VPS13C: variants seen among roughly 807,000 people sequenced by gnomAD.
The protein encoded by VPS13C is vacuolar protein sorting 13 homolog C.
Under a neutral mutation model 456.8 loss-of-function variants are expected in VPS13C, and 358 were observed. The ratio of observed to expected loss-of-function variants is 0.78; its 90% CI spans 0.72 to 0.86. The LOEUF (loss-of-function observed/expected upper bound fraction) is 0.86, where lower values mean the gene tolerates loss of function less well. Among genes scored for constraint, VPS13C ranks in the 40% least tolerant of loss-of-function variants. VPS13C has a pLI of 0.00. For missense variants in VPS13C, 4,818 were observed against 4,385.4 expected, an observed-to-expected ratio of 1.10 and a Z score of -2.79; for synonymous variants, 1,578 against 1,486.7, an observed-to-expected ratio of 1.06 and a Z score of -1.41.
chr15:61,893,053 G>A (rs1276038457), intron 66 of VPS13C, among the ~76,000 whole-genome samples: 2 of 152,082 alleles, frequency 1.3e-5, no homozygotes, highest in African/African-American at 4.8e-5. Context: ...AAAGAGCAAG[G>A]GGTAGAAAGT....
chr15:62,002,637 G>A (rs1482465325), intron 15 of VPS13C, among the ~76,000 whole-genome samples: 1 of 152,072 alleles, frequency 6.6e-6, no homozygotes, highest in East Asian at 1.9e-4. Flanking sequence ...TTCTTCTAGG[G>A]TTTTTATGGT....
At chr15:61,906,928 CA>C (rs2043168254) in intron 66 of VPS13C, 3 of 230,700 alleles carry the variant, frequency 1.3e-5, no homozygotes, top group Non-Finnish European at 2.6e-5. Context: ...AACTCATAGC[CA>C]AAAGTGGCAT....
At position 62,055,901 on chromosome 15, in the gene VPS13C, G is replaced by A. The variant is rs531030506; in HGVS notation, c.100+4374C>T. Reference sequence around the variant, plus strand: ...ACTAACATTTTGAGCTGGACAATTCGCTGCAGGAAGTTGTCCTCTGCATTG... The same window carrying A: ...ACTAACATTTTGAGCTGGACAATTCACTGCAGGAAGTTGTCCTCTGCATTG... On this transcript the variant is annotated intron_variant, in intron 1 of 84. Transcript: ENST00000644861. 5.3e-5 allele frequency among the ~76,000 whole-genome samples: 8 copies of A among 152,190 alleles called. No homozygotes were observed. The South Asian group carries it at 6.2e-4, about 12-fold the overall frequency.
chr15:61,939,551 C>T (rs1474382795), intron 47 of VPS13C, among the ~76,000 whole-genome samples: 2 of 152,176 alleles, frequency 1.3e-5, no homozygotes, highest in Non-Finnish European at 2.9e-5. Context: ...TAGTCTCTCT[C>T]ACCCCTATCC....
chr15:61,967,893 A>AGCTT (rs2140338787), intron 28 of VPS13C, among the ~76,000 whole-genome samples: 1 of 152,132 alleles, frequency 6.6e-6, no homozygotes, highest in Admixed American at 6.6e-5. Context: ...AGATGTACCA[A>AGCTT]GGAACTGCCT....
chr15:61,915,170 G>A (rs774601043), intron 61 of VPS13C, among the ~76,000 whole-genome samples: 8 of 152,056 alleles, frequency 5.3e-5, no homozygotes, highest in Non-Finnish European at 8.8e-5. Flanking sequence ...GTGTGGTGAG[G>A]GATACCAAAA....
intron 6 of VPS13C, among the ~76,000 whole-genome samples, chr15:62,027,062 T>TA (rs35555986): frequency 0.059 from 8,958 of 151,404 alleles, 335 homozygotes; most frequent in Non-Finnish European, 0.084. Flanking sequence ...TGCTTTAGAA[T>TA]AAAAAAAAGT....
At chr15:62,053,756 T>G (rs2048701326) in intron 1 of VPS13C, among the ~76,000 whole-genome samples, 1 of 152,240 alleles carries the variant, frequency 6.6e-6, no homozygotes, top group Non-Finnish European at 1.5e-5. Flanking sequence ...CAGTCCAGTG[T>G]TCATTCTCCT....
chr15:62,040,340 TAA>T (rs2048198681), intron 3 of VPS13C, among the ~76,000 whole-genome samples: 1 of 152,156 alleles, frequency 6.6e-6, no homozygotes, highest in South Asian at 2.1e-4. Flanking sequence ...TACATATAAC[TAA>T]GAGTATTAAT....
At chr15:61,931,006 G>A in intron 50 of VPS13C, 84 bp downstream of exon 50, 3 of 1,492,326 alleles carry the variant, frequency 2.0e-6, no homozygotes, top group Non-Finnish European at 2.8e-6. Flanking sequence ...TTTTTTGGAT[G>A]ATCCCTAGCC....
chr15:61,912,151 T>C (rs1566993769), intron 62 of VPS13C, 147 bp from the exon 63 acceptor site: 2 of 772,918 alleles, frequency 2.6e-6, no homozygotes, highest in Non-Finnish European at 3.5e-6. Context: ...CTGCAAAAGA[T>C]TATCTTCTGA....
At chr15:61,857,100 A>G (rs1406808715) in intron 82 of VPS13C, among the ~76,000 whole-genome samples, 2 of 152,190 alleles carry the variant, frequency 1.3e-5, no homozygotes, top group African/African-American at 4.8e-5. Context: ...ACTTAAAATT[A>G]AGCTTCTATT....
intron 1 of VPS13C, among the ~76,000 whole-genome samples, chr15:62,048,171 T>C (rs1050865690): frequency 6.6e-6 from 1 of 151,570 alleles, no homozygotes; most frequent in African/African-American, 2.4e-5. Flanking sequence ...TTGTTACATA[T>C]GTATACATGT....
At chr15:61,918,586 T>C (rs2043547663) in intron 58 of VPS13C, among the ~76,000 whole-genome samples, 1 of 152,046 alleles carries the variant, frequency 6.6e-6, no homozygotes, top group Non-Finnish European at 1.5e-5. Flanking sequence ...CAATGTATCA[T>C]GTATAACAAC....
chr15:61,948,262 T>C (rs1210638868), intron 42 of VPS13C, among the ~76,000 whole-genome samples: 1 of 152,138 alleles, frequency 6.6e-6, no homozygotes, highest in African/African-American at 2.4e-5. Context: ...ATATATAATA[T>C]AAAGGAGAGG....
At chr15:61,929,411 G>T (rs375332488) in intron 51 of VPS13C, 90 bp downstream of exon 51, 233 of 1,471,178 alleles carry the variant, frequency 1.6e-4, no homozygotes, top group Admixed American at 3.6e-4. Flanking sequence ...CTAATTTTAC[G>T]TTCTTAAATT....
At chr15:61,912,724 G>C (rs1364940033) in intron 62 of VPS13C, among the ~76,000 whole-genome samples, 1 of 150,878 alleles carries the variant, frequency 6.6e-6, no homozygotes, top group African/African-American at 2.4e-5. Context: ...CATGTACCAT[G>C]CTGGTGTGCT....
At chr15:62,022,922 C>T (rs766828737) in intron 8 of VPS13C, among the ~76,000 whole-genome samples, 1 of 151,840 alleles carries the variant, frequency 6.6e-6, no homozygotes, top group African/African-American at 2.4e-5. Flanking sequence ...TTGGTTTCTT[C>T]TGTGCAACTA....
chr15:61,983,928 G>C lies in VPS13C; in HGVS notation c.1806C>G (p.Asp602Glu). The C allele has an allele frequency of 6.2e-7, 1 of 1,614,140 alleles. No homozygotes were observed. Among genetic ancestry groups the C allele is most frequent in the Non-Finnish European group, 8.5e-7 (1 of 1,179,998 alleles). The part of the protein sequence containing the change: ...IVPSLVASIG[D>E]TTSSLLKIKF... ...TAATTTTAAGCAAGGATGATGTAGT[G>C]TCACCAATTGAAGCCACAAGTGATG... The change falls in exon 20 of 85, where the codon GAC becomes GAG. Residue 602 changes from aspartate to glutamate, a missense_variant. Transcript: ENST00000644861.
Sources: allele counts gnomAD v4.1 joint callset (sites outside exome capture counted in the v4.1 genomes callset), GRCh38; gene constraint gnomAD v4.1.1; transcripts MANE v1.5; gene names NCBI Gene and HGNC (gene_info 2026-07-23, HGNC 2026-07-21).